The following ATP8A2 variants were observed in gnomAD, a reference collection of about 807,000 sequenced individuals.
The protein encoded by ATP8A2 is phospholipid-transporting ATPase IB.
In ATP8A2, 100 loss-of-function variants were observed where a neutral mutation model predicts 165.6. The ratio of observed to expected loss-of-function variants is 0.60; its 90% CI spans 0.51 to 0.71. The LOEUF (loss-of-function observed/expected upper bound fraction) is 0.71. ATP8A2 is among the 30% of genes least tolerant of loss of function. The pLI is 0.00. For synonymous variants in ATP8A2, 543 were observed against 548.8 expected, an observed-to-expected ratio of 0.99 and a Z score of 0.15; for missense variants, 1,227 against 1,479.5, an observed-to-expected ratio of 0.83 and a Z score of 2.80.
chr13:25,528,380 T>C (rs17082400), intron 2 of ATP8A2, among the ~76,000 whole-genome samples: 4,309 of 151,730 alleles, frequency 0.028, 213 homozygotes, highest in African/African-American at 0.099. Flanking sequence ...CTGATCACTG[T>C]ATTGTGAAAT....
At chr13:25,574,089 A>G (rs866890094) in intron 18 of ATP8A2, among the ~76,000 whole-genome samples, 14 of 152,170 alleles carry the variant, frequency 9.2e-5, no homozygotes, top group Non-Finnish European at 7.3e-5. Context: ...AGTGTTGGGG[A>G]AATGAAAAGA....
chr13:25,723,161 A>G (rs945391559), intron 25 of ATP8A2, among the ~76,000 whole-genome samples: 1 of 152,212 alleles, frequency 6.6e-6, no homozygotes, highest in Non-Finnish European at 1.5e-5. Flanking sequence ...GTCTTGGGCA[A>G]ATTTGTTTTT....
intron 2 of ATP8A2, among the ~76,000 whole-genome samples, chr13:25,494,874 C>T (rs928553262): frequency 3.3e-5 from 5 of 152,150 alleles, no homozygotes; most frequent in South Asian, 2.1e-4. Flanking sequence ...GGGTCCAGCC[C>T]GGAGCTTTGC....
intron 10 of ATP8A2, among the ~76,000 whole-genome samples, chr13:25,550,803 G>A (rs1354549032): frequency 6.6e-6 from 1 of 152,054 alleles, no homozygotes; most frequent in Non-Finnish European, 1.5e-5. Context: ...ACCCTCTAAT[G>A]TTCTGTTTTG....
intron 35 of ATP8A2, 44 bp downstream of exon 35, chr13:25,968,723 G>A (rs759041458): frequency 1.3e-5 from 19 of 1,482,672 alleles, no homozygotes; most frequent in Admixed American, 3.6e-5. Context: ...AGGTGCTCCC[G>A]GCCCTTTTCC....
At position 25,530,656 on chromosome 13, in the gene ATP8A2, A is replaced by T. The variant is rs1411634374; in HGVS notation, c.416A>T (p.Asp139Val). ...GCAGGCATCAAAGAGATTGTAGAAG[A>T]TTTTGTAAGTTTTTGCTTTTGGATA... ...TIAGIKEIVE[D>V]FKRHKADNAV... The change falls in exon 4 of 37, where the codon GAT (aspartate) becomes GTT (valine). Residue 139 changes from aspartate (D) to valine (V), a missense_variant. Coordinates refer to ENST00000381655, the MANE Select transcript of ATP8A2 (RefSeq NM_016529.6). 3 of 1,572,838 alleles carry T rather than the reference A, an allele frequency of 1.9e-6. No homozygotes were observed. Among genetic ancestry groups the T allele is most frequent in the Non-Finnish European group, 2.6e-6 (3 of 1,151,246 alleles).
At position 25,520,777 on chromosome 13, in the gene ATP8A2, A is replaced by G. The variant is rs546525338; in HGVS notation, c.222-9222A>G. On this transcript the variant is annotated intron_variant, in intron 2 of 36. Transcript: ENST00000381655. ...CCACCACACCTGGCTAATTTTTTGTATATATATATATTTTTTTTAGTAGAG... is the reference window on the plus strand; with the variant it reads ...CCACCACACCTGGCTAATTTTTTGTGTATATATATATTTTTTTTAGTAGAG... 2.4e-3 allele frequency among the ~76,000 whole-genome samples: 365 copies of G among 149,958 alleles called. 1 individual carries two copies. The highest frequency in any genetic ancestry group is 8.7e-3 in the African/African-American group (353 of 40,768).
At chr13:25,565,486 T>G (rs1347160662) in intron 16 of ATP8A2, among the ~76,000 whole-genome samples, 1 of 152,246 alleles carries the variant, frequency 6.6e-6, no homozygotes, top group Non-Finnish European at 1.5e-5. Context: ...TCAGTGATGT[T>G]GAGCATTTTG....
At chr13:25,782,668 A>G (rs1181248436) in intron 27 of ATP8A2, among the ~76,000 whole-genome samples, 8 of 152,338 alleles carry the variant, frequency 5.3e-5, no homozygotes, top group South Asian at 2.1e-4. Flanking sequence ...TACATCATCT[A>G]TAAATTACTT....
intron 1 of ATP8A2, among the ~76,000 whole-genome samples, chr13:25,414,495 C>T (rs2034076629): frequency 6.6e-6 from 1 of 152,060 alleles, no homozygotes; most frequent in Non-Finnish European, 1.5e-5. Flanking sequence ...CCCAGCTGGG[C>T]TGTGTTTCTT....
intron 1 of ATP8A2, chr13:25,468,695 C>A: frequency 5.4e-6 from 2 of 369,158 alleles, no homozygotes; most frequent in Non-Finnish European, 7.5e-6. Flanking sequence ...AGGGAGGGAG[C>A]GCAGGAGCTG....
chr13:25,929,815 C>A (rs1355959731), intron 33 of ATP8A2, among the ~76,000 whole-genome samples: 3 of 152,214 alleles, frequency 2.0e-5, no homozygotes, highest in African/African-American at 7.2e-5. Context: ...CAGAGCGAGA[C>A]CCTGTCTCTA....
At chr13:25,883,793 C>G (rs1953053811) in intron 33 of ATP8A2, among the ~76,000 whole-genome samples, 1 of 152,138 alleles carries the variant, frequency 6.6e-6, no homozygotes, top group Non-Finnish European at 1.5e-5. Context: ...TGCTGCACTG[C>G]CTGAAGCATG....
intron 1 of ATP8A2, among the ~76,000 whole-genome samples, chr13:25,409,949 T>C (rs1337968062): frequency 6.6e-6 from 1 of 151,976 alleles, no homozygotes. Context: ...TTAATGTGTG[T>C]ATGTATATAG....
At chr13:25,479,448 A>G (rs2036093361) in intron 2 of ATP8A2, among the ~76,000 whole-genome samples, 1 of 152,168 alleles carries the variant, frequency 6.6e-6, no homozygotes, top group Non-Finnish European at 1.5e-5. Context: ...TGCATTATTA[A>G]TAAGTATAAT....
chr13:25,722,766 C>G (rs772202236), intron 25 of ATP8A2, among the ~76,000 whole-genome samples: 2 of 152,202 alleles, frequency 1.3e-5, no homozygotes, highest in Admixed American at 6.5e-5. Context: ...GACACTCAGT[C>G]TTTTCAAGAT....
chr13:25,431,487 C>G lies in ATP8A2; in HGVS notation c.77-37490C>G, dbSNP rs1222771511. ...TTTAATTGATGAATTCTAATAGTAA[C>G]TTTTACTTCGGCGGCGGGGGGGGAA... On this transcript the variant is annotated intron_variant, in intron 1 of 36. Coordinates refer to ENST00000381655, the MANE Select transcript of ATP8A2 (RefSeq NM_016529.6). Among the ~76,000 whole-genome samples the G allele has an allele frequency of 4.1e-5, 6 of 147,404 alleles. No individual in the cohort carries two copies. The South Asian group carries it at 8.8e-4, about 22-fold the overall frequency.
intron 22 of ATP8A2, among the ~76,000 whole-genome samples, chr13:25,581,209 T>A (rs2039767581): frequency 6.6e-6 from 1 of 152,050 alleles, no homozygotes; most frequent in African/African-American, 2.4e-5. Context: ...GTTTGTACAG[T>A]CTCTGGAATT....
rs552998307 is a variant in ATP8A2, at chr13:25,716,888, G to A, written c.2384+17543G>A. On this transcript the variant is annotated intron_variant, in intron 25 of 36. Transcript: ENST00000381655. ...AAGTTGTGAGAGAAGAAACAGTGAT[G>A]TGCAGTGTATAAGTTATAGGACTAC... 2.6e-5 allele frequency among the ~76,000 whole-genome samples: 4 copies of A among 152,320 alleles called. No homozygotes were observed. In the South Asian group the frequency reaches 8.3e-4, roughly 32 times the overall value.
Sources: gnomAD v4.1 joint callset for allele counts (sites outside exome capture counted in the v4.1 genomes callset) on GRCh38, gnomAD v4.1.1 for gene constraint, MANE v1.5 for transcripts, NCBI Gene and HGNC (gene_info 2026-07-23, HGNC 2026-07-21) for gene names.